Variants in C20orf203 observed in about 807,000 individuals in gnomAD.
The protein encoded by C20orf203 is chromosome 20 open reading frame 203.
A neutral mutation model predicts 15.9 loss-of-function variants in C20orf203; 16 were observed. The ratio of observed to expected loss-of-function variants is 1.01; its 90% CI spans 0.68 to 1.53. The LOEUF (loss-of-function observed/expected upper bound fraction) is 1.53, where lower values mean the gene tolerates loss of function less well. C20orf203 is among the 40% of genes most tolerant of loss of function. The pLI is 0.00. For missense variants in C20orf203, 263 were observed against 247.5 expected, an observed-to-expected ratio of 1.06 and a Z score of -0.42; for synonymous variants, 98 against 97.2, an observed-to-expected ratio of 1.01 and a Z score of -0.05.
chr20:32,648,088 C>A lies in C20orf203; in HGVS notation c.*1177+1167G>T, dbSNP rs1982486430. ...AGATCTGCTACTTGGGCTACTTGCC[C>A]AAGGCCACACAGTGAGGCAGCAGTG... is the stretch of plus-strand genomic sequence containing the variant. On this transcript the variant is annotated intron_variant, in intron 4 of 5. Coordinates refer to ENST00000608990, the MANE Select transcript of C20orf203 (RefSeq NM_182584.4). Among the ~76,000 whole-genome samples the A allele has an allele frequency of 2.0e-5, 3 of 152,228 alleles. 1 individual carries two copies. The highest frequency in any genetic ancestry group is 4.4e-5 in the Non-Finnish European group (3 of 68,050).
intron 5 of C20orf203, among the ~76,000 whole-genome samples, chr20:32,636,729 T>C (rs1233147008): frequency 3.3e-5 from 5 of 152,120 alleles, no homozygotes; most frequent in Non-Finnish European, 5.9e-5. Flanking sequence ...CTCTTCCATG[T>C]CCCTTGCAAA....
At position 32,671,580 on chromosome 20, in the gene C20orf203, C is replaced by T. The variant is rs140848006; in HGVS notation, c.-264+2052G>A. Among the ~76,000 whole-genome samples the T allele has an allele frequency of 8.4e-3, 1,275 of 152,212 alleles. 7 individuals carry two copies. The highest frequency in any genetic ancestry group is 0.019 in the African/African-American group (781 of 41,538). ...AGAATGGGCCAGGCACAGTGGCTCA[C>T]GCCTATAATCCCAGCACTTTGGGAG... On this transcript the variant is annotated intron_variant, in intron 1 of 5. Coordinates refer to ENST00000608990, the MANE Select transcript of C20orf203 (RefSeq NM_182584.4).
At chr20:32,636,715 A>T (rs1037129597) in intron 5 of C20orf203, among the ~76,000 whole-genome samples, 1 of 152,118 alleles carries the variant, frequency 6.6e-6, no homozygotes, top group African/African-American at 2.4e-5. Flanking sequence ...GGGAGGGCAT[A>T]TATCTCTTCC....
Position 32,631,812 on chromosome 20 carries a change from C to G in C20orf203, c.*3758G>C, listed in dbSNP as rs115066933. ...CATAAGAGGCAGGGTCTGTGGGGGT[C>G]AGGCCTGTTTGGTAGTCTCAAGCTA... On this transcript the variant is annotated 3_prime_UTR_variant, in exon 6 of 6. Coordinates refer to ENST00000608990, the MANE Select transcript of C20orf203 (RefSeq NM_182584.4). 1.3e-5 allele frequency: 2 copies of G among 152,190 alleles called. No individual in the cohort carries two copies. The highest frequency in any genetic ancestry group is 4.8e-5 in the African/African-American group (2 of 41,436). The allele number at this position is 152,190 out of a possible 1,614,324, so 9.4% of individuals were successfully genotyped here.
At chr20:32,664,289 C>T (rs569225927) in intron 1 of C20orf203, among the ~76,000 whole-genome samples, 91 of 152,352 alleles carry the variant, frequency 6.0e-4, no homozygotes, top group Non-Finnish European at 8.8e-4. Context: ...GGCCTCCTGC[C>T]GGGGTCTCCT....
chr20:32,645,964 A>G (rs1422579559), intron 4 of C20orf203, among the ~76,000 whole-genome samples: 1 of 152,202 alleles, frequency 6.6e-6, no homozygotes, highest in Non-Finnish European at 1.5e-5. Flanking sequence ...CACTTGGGGT[A>G]GACACCTCAA....
chr20:32,650,181 C>A lies in C20orf203; in HGVS notation c.*251G>T. On this transcript the variant is annotated 3_prime_UTR_variant, in exon 4 of 6. Coordinates refer to ENST00000608990, the MANE Select transcript of C20orf203 (RefSeq NM_182584.4). ...CTGGACAGGACCAGAGCCTGCCCCG[C>A]ATGTCCGGCCGGGGTTCTACCCAGA... The A allele has an allele frequency of 2.0e-6, 1 of 505,300 alleles. No individual in the cohort carries two copies. The highest frequency in any genetic ancestry group is 2.5e-5 in the South Asian group (1 of 40,606). The allele number at this position is 505,300 out of a possible 1,614,324, so 31.3% of individuals were successfully genotyped here.
At chr20:32,637,862 G>A (rs1982178182) in intron 5 of C20orf203, among the ~76,000 whole-genome samples, 1 of 152,198 alleles carries the variant, frequency 6.6e-6, no homozygotes, top group South Asian at 2.1e-4. Flanking sequence ...CACTGTGTGT[G>A]CATGCATGCA....
In C20orf203 at chr20:32,650,172, C is replaced by T; in HGVS notation, c.*260G>A. 1 of 486,400 alleles carries T rather than the reference C, an allele frequency of 2.1e-6. No homozygotes were observed. The highest frequency in any genetic ancestry group is 2.5e-5 in the South Asian group (1 of 39,470). 30.1% of individuals were successfully genotyped at this position (486,400 alleles called of 1,614,324 possible). A position where few individuals can be genotyped will look rare whatever the true frequency, so the allele number is the denominator to read the frequency against. ...CTCCAGCAGCTGGACAGGACCAGAGCCTGCCCCGCATGTCCGGCCGGGGTT... is the reference window on the plus strand; with the variant it reads ...CTCCAGCAGCTGGACAGGACCAGAGTCTGCCCCGCATGTCCGGCCGGGGTT... On this transcript the variant is annotated 3_prime_UTR_variant, in exon 4 of 6. Transcript: ENST00000608990.
chr20:32,672,301 T>C (rs1256494099), intron 1 of C20orf203, among the ~76,000 whole-genome samples: 1 of 151,834 alleles, frequency 6.6e-6, no homozygotes, highest in Admixed American at 6.6e-5. Context: ...ATCCCACCAC[T>C]GCACACCAGC....
chr20:32,663,942 C>A (rs1307036929), intron 1 of C20orf203, among the ~76,000 whole-genome samples: 2 of 152,250 alleles, frequency 1.3e-5, no homozygotes, highest in African/African-American at 2.4e-5. Flanking sequence ...GGAAATGAAC[C>A]ACTCAGGGCT....
At chr20:32,648,330 C>G (rs76728030) in intron 4 of C20orf203, among the ~76,000 whole-genome samples, 7 of 151,776 alleles carry the variant, frequency 4.6e-5, no homozygotes, top group Non-Finnish European at 1.0e-4. Flanking sequence ...CTCAGAGGCT[C>G]TCCTGGACCA....
intron 1 of C20orf203, among the ~76,000 whole-genome samples, chr20:32,671,215 A>C (rs1450303954): frequency 2.6e-5 from 4 of 152,250 alleles, no homozygotes; most frequent in African/African-American, 9.6e-5. Flanking sequence ...AGGATCTCCA[A>C]GAGATATGTG....
At chr20:32,646,678 G>A (rs1600929835) in intron 4 of C20orf203, among the ~76,000 whole-genome samples, 1 of 152,342 alleles carries the variant, frequency 6.6e-6, no homozygotes, top group East Asian at 1.9e-4. Flanking sequence ...GTTGGGGAAA[G>A]GGTGGGAGCC....
chr20:32,647,578 G>A (rs771146362), intron 4 of C20orf203, among the ~76,000 whole-genome samples: 1 of 152,000 alleles, frequency 6.6e-6, no homozygotes, highest in Non-Finnish European at 1.5e-5. Context: ...TTTAGCACAC[G>A]CCTGTAGTCC....
chr20:32,666,544 A>G (rs1189760704), intron 1 of C20orf203, among the ~76,000 whole-genome samples: 1 of 151,320 alleles, frequency 6.6e-6, no homozygotes, highest in East Asian at 1.9e-4. Context: ...CGGGCAGATC[A>G]CTAGGTCAGG....
Position 32,651,108 on chromosome 20 carries a change from G to T in C20orf203, c.45C>A (p.Leu15=). ...PVLNSRAQAI[L]LPQPPNMLDH... ...CCAGCATGTTGGGAGGCTGAGGCAG[G>T]AGAATCGCTTGAGCCCGGGAGTTCA... is the stretch of plus-strand genomic sequence containing the variant. Residue 15 remains leucine, a synonymous_variant, in exon 3 of 6, where the codon CTC becomes CTA. Coordinates refer to ENST00000608990, the MANE Select transcript of C20orf203 (RefSeq NM_182584.4). 2 of 1,405,174 alleles carry T rather than the reference G, an allele frequency of 1.4e-6. No homozygotes were observed. The highest frequency in any genetic ancestry group is 1.9e-6 in the Non-Finnish European group (2 of 1,034,640). The allele number at this position is 1,405,174 out of a possible 1,614,324, so 87.0% of individuals were successfully genotyped here.
At chr20:32,634,803 CAT>C (rs141321913) in intron 5 of C20orf203, among the ~76,000 whole-genome samples, 169 of 149,172 alleles carry the variant, frequency 1.1e-3, no homozygotes, top group Non-Finnish European at 1.7e-3. Flanking sequence ...CCTACATATG[CAT>C]ATATATATAT....
chr20:32,649,427 T>A lies in C20orf203; in HGVS notation c.*1005A>T, dbSNP rs1354194035. On this transcript the variant is annotated 3_prime_UTR_variant, in exon 4 of 6. Transcript: ENST00000608990. ...CATAGTAAGCTGTTTAATCCTCACA[T>A]CAGCCCATGAAGCAGCTATGAATCA... 6.6e-6 allele frequency: 1 copy of A among 152,272 alleles called. No homozygotes were observed. The highest frequency in any genetic ancestry group is 6.5e-5 in the Admixed American group (1 of 15,282). The allele number at this position is 152,272 out of a possible 1,614,324, so 9.4% of individuals were successfully genotyped here. A position where few individuals can be genotyped will look rare whatever the true frequency, so the allele number is the denominator to read the frequency against.
Sources: allele counts gnomAD v4.1 joint callset (sites outside exome capture counted in the v4.1 genomes callset), GRCh38; gene constraint gnomAD v4.1.1; transcripts MANE v1.5; gene names NCBI Gene and HGNC (gene_info 2026-07-23, HGNC 2026-07-21).